The following XKR6 variants were observed in gnomAD, a reference collection of about 807,000 sequenced individuals.
The protein encoded by XKR6 is XK-related protein 6.
XKR6 carries 22 observed loss-of-function variants against 56.7 expected under a neutral mutation model. That is an observed-to-expected ratio of 0.39 (90% CI 0.28 to 0.55). The LOEUF (loss-of-function observed/expected upper bound fraction) is 0.55. Ranked by LOEUF, XKR6 falls within the 20% of genes least tolerant of loss-of-function variation. XKR6 has a pLI of 0.66. For synonymous variants in XKR6, 524 were observed against 387.8 expected (o/e 1.35, Z -4.13); for missense variants, 852 against 889.0 (o/e 0.96, Z 0.53).
intron 1 of XKR6, among the ~76,000 whole-genome samples, chr8:11,067,409 G>A (rs1389241021): frequency 6.6e-6 from 1 of 152,220 alleles, no homozygotes; most frequent in Non-Finnish European, 1.5e-5. Context: ...CGAAGCATCA[G>A]AGTCCCATTT....
At chr8:11,123,797 G>A (rs765730900) in intron 1 of XKR6, 33 of 453,810 alleles carry the variant, frequency 7.3e-5, no homozygotes, top group South Asian at 9.3e-5. Flanking sequence ...TCATCTCAGT[G>A]TAATGCCAGA....
chr8:11,055,978 C>T (rs555416662), intron 1 of XKR6, among the ~76,000 whole-genome samples: 8 of 152,276 alleles, frequency 5.3e-5, no homozygotes, highest in African/African-American at 1.4e-4. Context: ...GTCTGAAGGC[C>T]CCCTCCCCCT....
At chr8:11,111,794 T>C (rs1798908378) in intron 1 of XKR6, 1 of 152,104 alleles carries the variant, frequency 6.6e-6, no homozygotes, top group African/African-American at 2.4e-5. Flanking sequence ...ACTAGATATG[T>C]GAAAACAACA....
At chr8:11,141,117 G>C (rs527574097) in intron 1 of XKR6, among the ~76,000 whole-genome samples, 1 of 152,280 alleles carries the variant, frequency 6.6e-6, no homozygotes, top group East Asian at 1.9e-4. Flanking sequence ...ACACACAGGA[G>C]AAGGGGGAGA....
chr8:11,150,448 G>C (rs769394134), intron 1 of XKR6, among the ~76,000 whole-genome samples: 1 of 152,086 alleles, frequency 6.6e-6, no homozygotes, highest in Non-Finnish European at 1.5e-5. Flanking sequence ...ATTTGATTAC[G>C]TAAAGTCCCC....
chr8:10,955,886 G>C (rs964434243), intron 1 of XKR6, among the ~76,000 whole-genome samples: 5 of 152,220 alleles, frequency 3.3e-5, no homozygotes, highest in Admixed American at 1.3e-4. Flanking sequence ...ATGTTGCCTT[G>C]ACAAAATGCT....
At chr8:10,963,433 C>T (rs1802124210) in intron 1 of XKR6, among the ~76,000 whole-genome samples, 1 of 152,232 alleles carries the variant, frequency 6.6e-6, no homozygotes, top group Non-Finnish European at 1.5e-5. Flanking sequence ...GCTTCGATAC[C>T]TGCCTCCAGT....
intron 1 of XKR6, among the ~76,000 whole-genome samples, chr8:11,153,096 T>TA (rs1801343484): frequency 6.6e-6 from 1 of 152,228 alleles, no homozygotes; most frequent in Non-Finnish European, 1.5e-5. Flanking sequence ...CCCAGTGAAT[T>TA]ATTATTATAG....
At chr8:11,002,389 C>G (rs1798262050) in intron 1 of XKR6, 1 of 365,954 alleles carries the variant, frequency 2.7e-6, no homozygotes, top group South Asian at 2.3e-5. Flanking sequence ...AGCACTCACC[C>G]AGCAGTTCTG....
chr8:11,108,889 T>C (rs1038321066), intron 1 of XKR6: 1 of 152,274 alleles, frequency 6.6e-6, no homozygotes, highest in African/African-American at 2.4e-5. Context: ...AAAGGATCCA[T>C]AGATTTCTTC....
intron 1 of XKR6, among the ~76,000 whole-genome samples, chr8:11,068,815 G>T (rs1396250980): frequency 3.9e-5 from 6 of 152,050 alleles, no homozygotes; most frequent in Non-Finnish European, 5.9e-5. Flanking sequence ...GGCCAAGGTG[G>T]GCCCTGCCCC....
At chr8:11,056,890 G>A (rs1364045836) in intron 1 of XKR6, among the ~76,000 whole-genome samples, 1 of 152,126 alleles carries the variant, frequency 6.6e-6, no homozygotes, top group Non-Finnish European at 1.5e-5. Context: ...CAGGCCTCTA[G>A]TCTCACCCTT....
At position 10,983,519 on chromosome 8, in the gene XKR6, T is replaced by A. The variant is rs562917875; in HGVS notation, c.765-58689A>T. Among the ~76,000 whole-genome samples, 10 of 152,256 alleles carry A rather than the reference T, an allele frequency of 6.6e-5. 1 individual carries two copies. Among genetic ancestry groups the A allele is most frequent in the African/African-American group, 2.4e-4 (10 of 41,546 alleles). On this transcript the variant is annotated intron_variant, in intron 1 of 2. Coordinates refer to ENST00000416569, the MANE Select transcript of XKR6 (RefSeq NM_173683.4). Reference sequence around the variant, plus strand: ...CAATTATCACAGAAAAAAATAGTCATCACAGAGCAGAACACACTGAAAGAA... The same window carrying A: ...CAATTATCACAGAAAAAAATAGTCAACACAGAGCAGAACACACTGAAAGAA...
At chr8:11,189,408 CA>C (rs1803431766) in intron 1 of XKR6, among the ~76,000 whole-genome samples, 1 of 152,202 alleles carries the variant, frequency 6.6e-6, no homozygotes, top group Non-Finnish European at 1.5e-5. Context: ...GTCTTTCCTG[CA>C]TTCTAAATCC....
intron 1 of XKR6, among the ~76,000 whole-genome samples, chr8:11,159,562 C>G (rs576496681): frequency 6.6e-6 from 1 of 152,222 alleles, no homozygotes; most frequent in Non-Finnish European, 1.5e-5. Context: ...TCAGCAGCAT[C>G]AGCTTCAATC....
intron 1 of XKR6, among the ~76,000 whole-genome samples, chr8:10,959,346 G>T (rs566535811): frequency 2.0e-5 from 3 of 152,166 alleles, no homozygotes; most frequent in Non-Finnish European, 2.9e-5. Context: ...GGGCATAGGA[G>T]AAATGGGTAG....
intron 2 of XKR6, among the ~76,000 whole-genome samples, chr8:10,902,610 C>A (rs1011727537): frequency 6.6e-6 from 1 of 152,222 alleles, no homozygotes; most frequent in Admixed American, 6.5e-5. Flanking sequence ...ATGGTGGGAG[C>A]CTGTTCTGGT....
chr8:11,017,810 C>G (rs551246810), intron 1 of XKR6, among the ~76,000 whole-genome samples: 10 of 152,304 alleles, frequency 6.6e-5, no homozygotes, highest in African/African-American at 2.2e-4. Flanking sequence ...AATAGAGGGC[C>G]TGGTTCCTCC....
At chr8:11,061,893 C>T (rs1017242963) in intron 1 of XKR6, among the ~76,000 whole-genome samples, 13 of 152,150 alleles carry the variant, frequency 8.5e-5, no homozygotes, top group South Asian at 2.1e-4. Flanking sequence ...CAGGCAAGGA[C>T]GCGGCCAGCA....
Sources: gnomAD v4.1 joint callset for allele counts (sites outside exome capture counted in the v4.1 genomes callset) on GRCh38, gnomAD v4.1.1 for gene constraint, MANE v1.5 for transcripts, NCBI Gene and HGNC (gene_info 2026-07-23, HGNC 2026-07-21) for gene names.